Variants in CNTNAP4 observed in about 807,000 individuals in gnomAD.
CNTNAP4 encodes the protein contactin-associated protein-like 4.
Under a neutral mutation model 148.4 loss-of-function variants are expected in CNTNAP4, and 98 were observed. The observed-to-expected ratio is 0.66, with a 90% CI of 0.56 to 0.78. CNTNAP4 has a LOEUF of 0.78. Among genes scored for constraint, CNTNAP4 ranks in the 30% least tolerant of loss-of-function variants. The probability of loss-of-function intolerance (pLI) is 0.00; values close to 1 mark genes in which losing one functional copy is unlikely to be tolerated. For missense variants in CNTNAP4, 1,935 were observed against 1,565.6 expected (o/e 1.24, Z -3.98); for synonymous variants, 730 against 565.1 (o/e 1.29, Z -4.14).
At chr16:76,547,942 A>G (rs1477976071) in intron 21 of CNTNAP4, among the ~76,000 whole-genome samples, 2 of 152,238 alleles carry the variant, frequency 1.3e-5, no homozygotes, top group African/African-American at 2.4e-5. Flanking sequence ...AGAAAGTTTA[A>G]TTAGCTTACC....
chr16:76,465,150 T>C (rs1313390458), intron 9 of CNTNAP4, among the ~76,000 whole-genome samples: 1 of 152,216 alleles, frequency 6.6e-6, no homozygotes, highest in Non-Finnish European at 1.5e-5. Context: ...TTATCTGTTA[T>C]CCTCGGAGGT....
chr16:76,316,545 G>C (rs374135523), intron 2 of CNTNAP4, 22 bp downstream of exon 2: 99 of 1,455,654 alleles, frequency 6.8e-5, no homozygotes, highest in Non-Finnish European at 9.0e-5. Context: ...TTTCTCCTCT[G>C]ACTGGCCCAT....
intron 3 of CNTNAP4, among the ~76,000 whole-genome samples, chr16:76,384,080 G>C (rs953386666): frequency 3.9e-5 from 6 of 151,958 alleles, no homozygotes; most frequent in Non-Finnish European, 7.4e-5. Context: ...GTCTCGCCCT[G>C]TTGCCCAGGC....
At chr16:76,482,560 G>A (rs1352390253) in intron 12 of CNTNAP4, among the ~76,000 whole-genome samples, 2 of 152,032 alleles carry the variant, frequency 1.3e-5, no homozygotes, top group African/African-American at 4.8e-5. Context: ...ACTGCAGGTG[G>A]TGGCAAACTC....
At chr16:76,363,976 C>G (rs2144570184) in intron 3 of CNTNAP4, among the ~76,000 whole-genome samples, 1 of 151,916 alleles carries the variant, frequency 6.6e-6, no homozygotes, top group East Asian at 1.9e-4. Flanking sequence ...ATACATATGG[C>G]CTGTAATCCC....
chr16:76,374,416 T>C (rs1418770045), intron 3 of CNTNAP4, among the ~76,000 whole-genome samples: 1 of 152,160 alleles, frequency 6.6e-6, no homozygotes, highest in East Asian at 1.9e-4. Context: ...TGTAAAAAAA[T>C]TAATATATCA....
At chr16:76,324,793 A>ATC (rs1369694018) in intron 2 of CNTNAP4, among the ~76,000 whole-genome samples, 2 of 152,024 alleles carry the variant, frequency 1.3e-5, no homozygotes, top group Non-Finnish European at 2.9e-5. Flanking sequence ...ATGAAAAGAG[A>ATC]TCTCTCTCTC....
chr16:76,440,438 A>T (rs972916509), intron 4 of CNTNAP4, among the ~76,000 whole-genome samples: 1 of 152,162 alleles, frequency 6.6e-6, no homozygotes, highest in Non-Finnish European at 1.5e-5. Flanking sequence ...TCCCGAAAAC[A>T]TCTTCAAGGG....
At chr16:76,353,729 G>A (rs1159696503) in intron 2 of CNTNAP4, among the ~76,000 whole-genome samples, 1 of 152,198 alleles carries the variant, frequency 6.6e-6, no homozygotes, top group South Asian at 2.1e-4. Flanking sequence ...GCATCCCCAT[G>A]TGTGGTCCTG....
At chr16:76,449,371 T>C (rs2080369745) in intron 6 of CNTNAP4, among the ~76,000 whole-genome samples, 1 of 152,154 alleles carries the variant, frequency 6.6e-6, no homozygotes, top group Non-Finnish European at 1.5e-5. Flanking sequence ...TGGATTCAAA[T>C]GCTCAAATAT....
chr16:76,333,833 C>T (rs1440314141), intron 2 of CNTNAP4, among the ~76,000 whole-genome samples: 3 of 125,966 alleles, frequency 2.4e-5, no homozygotes, highest in Non-Finnish European at 4.8e-5. Context: ...TTAAAAAAGC[C>T]TATTCTTCCA....
At chr16:76,353,694 G>T (rs1008381579) in intron 2 of CNTNAP4, among the ~76,000 whole-genome samples, 1 of 152,174 alleles carries the variant, frequency 6.6e-6, no homozygotes, top group Middle Eastern at 3.4e-3. Context: ...TACAGCTCCA[G>T]TTTACCCTTA....
chr16:76,399,864 A>G (rs543964529), intron 3 of CNTNAP4, among the ~76,000 whole-genome samples: 6 of 152,330 alleles, frequency 3.9e-5, no homozygotes, highest in Admixed American at 6.5e-5. Flanking sequence ...TAATTTTTCA[A>G]TAGTCTCTGC....
At chr16:76,421,592 G>A (rs1361502721) in intron 3 of CNTNAP4, among the ~76,000 whole-genome samples, 1 of 152,004 alleles carries the variant, frequency 6.6e-6, no homozygotes, top group Non-Finnish European at 1.5e-5. Context: ...CCTTTTGGGA[G>A]GCACATTTAG....
chr16:76,535,984 C>G (rs1046834990), intron 18 of CNTNAP4, among the ~76,000 whole-genome samples, 200 bp downstream of exon 18: 1 of 152,126 alleles, frequency 6.6e-6, no homozygotes, highest in African/African-American at 2.4e-5. Flanking sequence ...TGGAGCGCAT[C>G]ATATTTCATT....
At chr16:76,493,445 G>A (rs189171182) in intron 13 of CNTNAP4, among the ~76,000 whole-genome samples, 1 of 150,036 alleles carries the variant, frequency 6.7e-6, no homozygotes, top group African/African-American at 2.4e-5. Context: ...TTATTTCTCA[G>A]GGTTTTAAAA....
chr16:76,536,618 C>T (rs144620056), intron 18 of CNTNAP4, among the ~76,000 whole-genome samples: 6 of 152,028 alleles, frequency 3.9e-5, no homozygotes, highest in Non-Finnish European at 5.9e-5. Context: ...CATTAAATAT[C>T]GATGCATTAC....
intron 3 of CNTNAP4, among the ~76,000 whole-genome samples, chr16:76,389,232 A>G (rs115947243): frequency 6.6e-6 from 1 of 152,298 alleles, no homozygotes; most frequent in East Asian, 1.9e-4. Context: ...AAATGGTTCC[A>G]TTTGTCTCAT....
At chr16:76,352,821 T>C (rs2011997616) in intron 2 of CNTNAP4, among the ~76,000 whole-genome samples, 1 of 152,016 alleles carries the variant, frequency 6.6e-6, no homozygotes, top group Non-Finnish European at 1.5e-5. Context: ...CCCCGAGCTA[T>C]TTGTGGGAGG....
Sources: allele counts gnomAD v4.1 joint callset (sites outside exome capture counted in the v4.1 genomes callset), GRCh38; gene constraint gnomAD v4.1.1; transcripts MANE v1.5; gene names NCBI Gene and HGNC (gene_info 2026-07-23, HGNC 2026-07-21).